Variants in NAALADL2 observed in about 807,000 individuals in gnomAD.
The protein encoded by NAALADL2 is N-acetylated alpha-linked acidic dipeptidase like 2.
NAALADL2 carries 76 observed loss-of-function variants against 87.2 expected under a neutral mutation model. That is an observed-to-expected ratio of 0.87 (90% confidence interval 0.72 to 1.05). The LOEUF is 1.05. Ranked by LOEUF, NAALADL2 falls within the 50% of genes least tolerant of loss-of-function variation. The probability of loss-of-function intolerance (pLI) is 0.00; values close to 1 mark genes in which losing one functional copy is unlikely to be tolerated. For missense variants in NAALADL2, 1,089 were observed against 945.8 expected, an observed-to-expected ratio of 1.15 and a Z score of -1.99; for synonymous variants, 354 against 331.0, an observed-to-expected ratio of 1.07 and a Z score of -0.75.
rs190554640 is a variant in NAALADL2, at chr3:174,890,226, A to G, written c.43+30776A>G. On this transcript the variant is annotated intron_variant, in intron 1 of 13. Coordinates refer to ENST00000454872, the MANE Select transcript of NAALADL2 (RefSeq NM_207015.3). ...TTTGACATTATTTAGTTGAAGTTAC[A>G]ATATATTGAGAAGTATAAGGAACAG... Among the ~76,000 whole-genome samples, 344 of 152,342 alleles carry G rather than the reference A, an allele frequency of 2.3e-3. 2 individuals are homozygous for G. The highest frequency in any genetic ancestry group is 8.1e-3 in the African/African-American group (338 of 41,586).
intron 1 of NAALADL2, among the ~76,000 whole-genome samples, chr3:175,048,280 A>G (rs1286431028): frequency 1.3e-5 from 2 of 152,170 alleles, no homozygotes; most frequent in Non-Finnish European, 2.9e-5. Flanking sequence ...GCAAGTTTAT[A>G]CCTATTGTGG....
At chr3:175,301,084 G>C (rs1035111434) in intron 4 of NAALADL2, among the ~76,000 whole-genome samples, 3 of 151,986 alleles carry the variant, frequency 2.0e-5, no homozygotes, top group Admixed American at 2.0e-4. Flanking sequence ...AGGGTTTTTC[G>C]TGTCTCTGTC....
rs1195526974 is a variant in NAALADL2 at position 175,234,019 on chromosome 3, G to A, written c.634G>A (p.Val212Ile). 2.5e-6 allele frequency: 4 copies of A among 1,613,674 alleles called. No homozygotes were observed. The Admixed American group carries it at 6.7e-5, about 27-fold the overall frequency. ...TQWTSLGLED[V>I]QFVNYSVLLD... The stretch of plus-strand genomic sequence containing the variant: ...GTGGACCTCTTTGGGCCTAGAAGAT[G>A]TACAGTTTGTAAATTACTCTGTGCT... Residue 212 changes from valine to isoleucine, a missense_variant, in exon 3 of 14, where the codon GTA (valine) becomes ATA (isoleucine). By Grantham distance (29) the Val-to-Ile change is conservative (BLOSUM62 3). Coordinates refer to ENST00000454872, the MANE Select transcript of NAALADL2 (RefSeq NM_207015.3).
intron 2 of NAALADL2, among the ~76,000 whole-genome samples, chr3:174,712,912 C>G (rs975134683): frequency 1.3e-5 from 2 of 152,162 alleles, no homozygotes; most frequent in African/African-American, 4.8e-5. Context: ...AGTAACTCGT[C>G]ATTTAACATT....
intron 2 of NAALADL2, among the ~76,000 whole-genome samples, chr3:174,711,945 G>T (rs551414617): frequency 1.7e-4 from 26 of 151,766 alleles, no homozygotes; most frequent in Admixed American, 1.4e-3. Flanking sequence ...GACTACAGGC[G>T]CATGCCACCA....
intron 3 of NAALADL2, among the ~76,000 whole-genome samples, chr3:174,803,952 G>A (rs1719153519): frequency 6.6e-6 from 1 of 152,150 alleles, no homozygotes; most frequent in Non-Finnish European, 1.5e-5. Flanking sequence ...GGCTATGCGG[G>A]CTCTTTTTTG....
At chr3:174,515,474 T>C (rs1003069843) in intron 1 of NAALADL2, among the ~76,000 whole-genome samples, 1 of 152,080 alleles carries the variant, frequency 6.6e-6, no homozygotes, top group Non-Finnish European at 1.5e-5. Flanking sequence ...ACATTATAGC[T>C]TTCAGTATGT....
intron 5 of NAALADL2, among the ~76,000 whole-genome samples, chr3:175,354,543 A>G (rs529688685): frequency 1.4e-4 from 21 of 152,288 alleles, no homozygotes; most frequent in African/African-American, 5.1e-4. Flanking sequence ...ATTCTATCAC[A>G]TATACATTTT....
rs566591620 is a variant in NAALADL2 at position 174,833,626 on chromosome 3, T to A, written c.-9+95880T>A. On this transcript the variant is annotated intron_variant, in intron 3 of 3. Transcript: ENST00000434257. The stretch of plus-strand genomic sequence containing the variant: ...TCCAGAAAAAAACTATACTTTTATG[T>A]ATATCATAAATCTGAACATACATAT... Among the ~76,000 whole-genome samples the A allele has an allele frequency of 1.3e-3, 198 of 152,236 alleles. 4 individuals are homozygous for A. The highest frequency in any genetic ancestry group is 2.0e-3 in the Non-Finnish European group (137 of 67,954).
intron 9 of NAALADL2, among the ~76,000 whole-genome samples, chr3:175,481,921 T>C (rs367674265): frequency 7.9e-5 from 12 of 151,956 alleles, no homozygotes; most frequent in Non-Finnish European, 1.5e-4. Flanking sequence ...TACTTCTGGA[T>C]TGGAGTGCCA....
intron 1 of NAALADL2, among the ~76,000 whole-genome samples, chr3:174,969,577 C>T (rs1743334969): frequency 6.6e-6 from 1 of 152,086 alleles, no homozygotes; most frequent in Non-Finnish European, 1.5e-5. Flanking sequence ...ACTAAAATCC[C>T]ATAATACAGT....
At chr3:175,793,320 T>TC in intron 13 of NAALADL2, among the ~76,000 whole-genome samples, 1 of 150,336 alleles carries the variant, frequency 6.7e-6, no homozygotes, top group Non-Finnish European at 1.5e-5. Flanking sequence ...TTTTTTTTTT[T>TC]TTTTTCGAGA....
chr3:175,155,910 G>A (rs1431953776), intron 2 of NAALADL2, among the ~76,000 whole-genome samples: 1 of 152,140 alleles, frequency 6.6e-6, no homozygotes, highest in Non-Finnish European at 1.5e-5. Flanking sequence ...TACAAGAGAT[G>A]CAGATAAAGC....
rs16825548 is a variant in NAALADL2, at chr3:175,364,535, G to A, written c.1090+40210G>A. ...AAATTCTTGTTTAAATTACTCAAAC[G>A]TTTTAATATTCCCTCTGAGTCAAAT... is the stretch of plus-strand genomic sequence containing the variant. On this transcript the variant is annotated intron_variant, in intron 5 of 13. Transcript: ENST00000454872. 1.0e-2 allele frequency among the ~76,000 whole-genome samples: 1,471 copies of A among 147,498 alleles called. 99 individuals are homozygous for A. Among genetic ancestry groups the A allele is most frequent in the African/African-American group, 0.034 (1,397 of 40,674 alleles).
At chr3:175,049,371 T>C (rs1176492323) in intron 1 of NAALADL2, among the ~76,000 whole-genome samples, 1 of 152,074 alleles carries the variant, frequency 6.6e-6, no homozygotes, top group Non-Finnish European at 1.5e-5. Flanking sequence ...TTGACCCGAC[T>C]GTAGGTAACT....
At chr3:175,742,554 C>A (rs1318194592) in intron 12 of NAALADL2, among the ~76,000 whole-genome samples, 1 of 151,908 alleles carries the variant, frequency 6.6e-6, no homozygotes, top group Non-Finnish European at 1.5e-5. Flanking sequence ...CCCACCACCA[C>A]ACCCGGCTAA....
intron 10 of NAALADL2, among the ~76,000 whole-genome samples, chr3:175,594,568 G>A (rs1721989937): frequency 6.6e-6 from 1 of 152,098 alleles, no homozygotes; most frequent in South Asian, 2.1e-4. Context: ...CTGTTTCTTT[G>A]AGAAATTGCC....
At chr3:174,544,845 A>C (rs1722589942) in intron 1 of NAALADL2, among the ~76,000 whole-genome samples, 1 of 151,740 alleles carries the variant, frequency 6.6e-6, no homozygotes, top group African/African-American at 2.4e-5. Flanking sequence ...CTGGGATTAC[A>C]GATGTGAGCC....
chr3:175,104,238 G>A (rs959205883), intron 2 of NAALADL2, among the ~76,000 whole-genome samples: 4 of 152,164 alleles, frequency 2.6e-5, no homozygotes, highest in Non-Finnish European at 5.9e-5. Context: ...ATTACCTCCA[G>A]TCTTAAATGA....
Sources: gnomAD v4.1 joint callset for allele counts (sites outside exome capture counted in the v4.1 genomes callset) on GRCh38, gnomAD v4.1.1 for gene constraint, MANE v1.5 for transcripts, NCBI Gene and HGNC (gene_info 2026-07-23, HGNC 2026-07-21) for gene names.